RPRD1B: variants seen among roughly 807,000 people sequenced by gnomAD.
RPRD1B encodes the protein regulation of nuclear pre-mRNA domain containing 1B.
In RPRD1B, 11 loss-of-function variants were observed where a neutral mutation model predicts 41.5. That is an observed-to-expected ratio of 0.27 (90% CI 0.17 to 0.44). The LOEUF (loss-of-function observed/expected upper bound fraction) is 0.44, where lower values mean the gene tolerates loss of function less well. RPRD1B is among the 20% of genes least tolerant of loss of function. The probability of loss-of-function intolerance (pLI) is 1.00; values close to 1 mark genes in which losing one functional copy is unlikely to be tolerated. For missense variants in RPRD1B, 248 were observed against 389.9 expected (o/e 0.64, Z 3.06); for synonymous variants, 158 against 155.6 (o/e 1.02, Z -0.12).
intron 3 of RPRD1B, among the ~76,000 whole-genome samples, chr20:38,056,885 T>C (rs1203759879): frequency 2.0e-5 from 3 of 152,236 alleles, no homozygotes; most frequent in Non-Finnish European, 4.4e-5. Flanking sequence ...GATTTTGGAA[T>C]TAACACATCT....
At chr20:38,068,596 C>T (rs1363081113) in intron 6 of RPRD1B, among the ~76,000 whole-genome samples, 1 of 152,144 alleles carries the variant, frequency 6.6e-6, no homozygotes, top group African/African-American at 2.4e-5. Context: ...GACAGAGTTT[C>T]ACCATATTGG....
chr20:38,063,024 C>CT (rs1056044721), intron 5 of RPRD1B, among the ~76,000 whole-genome samples: 29 of 152,132 alleles, frequency 1.9e-4, no homozygotes, highest in South Asian at 1.5e-3. Flanking sequence ...TCACTGGCCT[C>CT]TGTTACCGCA....
intron 5 of RPRD1B, among the ~76,000 whole-genome samples, chr20:38,062,622 C>T (rs1393725445): frequency 6.6e-6 from 1 of 152,146 alleles, no homozygotes; most frequent in African/African-American, 2.4e-5. Context: ...CTACCACTGC[C>T]ACCTGGTACA....
At chr20:38,034,143 T>C in intron 1 of RPRD1B, 45 bp downstream of exon 1, 5 of 1,588,100 alleles carry the variant, frequency 3.1e-6, no homozygotes, top group Non-Finnish European at 4.3e-6. Flanking sequence ...CGGATTGTCC[T>C]CTCGCCCACA....
At chr20:38,039,997 G>A (rs1412090144) in intron 1 of RPRD1B, among the ~76,000 whole-genome samples, 1 of 152,110 alleles carries the variant, frequency 6.6e-6, no homozygotes, top group Non-Finnish European at 1.5e-5. Context: ...TCCTCCCAGA[G>A]TGCTGAGATT....
chr20:38,088,838 C>T (rs1232619566), intron 6 of RPRD1B, among the ~76,000 whole-genome samples: 2 of 152,174 alleles, frequency 1.3e-5, no homozygotes, highest in Non-Finnish European at 2.9e-5. Context: ...GAGTCGTCTC[C>T]TGGATGCAGA....
At chr20:38,037,248 C>G (rs908721670) in intron 1 of RPRD1B, among the ~76,000 whole-genome samples, 2 of 152,140 alleles carry the variant, frequency 1.3e-5, no homozygotes. Flanking sequence ...GAGCTCTGTT[C>G]TAAGTAGAAC....
chr20:38,062,042 A>AT (rs2074302779), intron 5 of RPRD1B, among the ~76,000 whole-genome samples: 1 of 152,190 alleles, frequency 6.6e-6, no homozygotes, highest in African/African-American at 2.4e-5. Context: ...GAGAGGGGGA[A>AT]TGAGAAGGAG....
intron 4 of RPRD1B, among the ~76,000 whole-genome samples, chr20:38,058,815 T>C (rs935138752): frequency 6.6e-6 from 1 of 152,162 alleles, no homozygotes; most frequent in Non-Finnish European, 1.5e-5. Context: ...CAAGTGATAC[T>C]CCTACCTCAG....
chr20:38,067,790 T>C (rs890107860), intron 6 of RPRD1B, among the ~76,000 whole-genome samples: 1 of 152,228 alleles, frequency 6.6e-6, no homozygotes, highest in Non-Finnish European at 1.5e-5. Context: ...CATCTTTCAC[T>C]GAGGAAGCAT....
At chr20:38,035,100 C>T (rs1336640674) in intron 1 of RPRD1B, among the ~76,000 whole-genome samples, 1 of 152,084 alleles carries the variant, frequency 6.6e-6, no homozygotes, top group Non-Finnish European at 1.5e-5. Context: ...GAGGAGTAAA[C>T]GGGATAATCC....
intron 2 of RPRD1B, among the ~76,000 whole-genome samples, chr20:38,041,065 A>G (rs1202957198): frequency 6.6e-6 from 1 of 152,214 alleles, no homozygotes; most frequent in Admixed American, 6.5e-5. Context: ...TGCTCTGGCT[A>G]TATTGTATTA....
In RPRD1B at chr20:38,038,500, T is replaced by TTTG. The variant is rs1568641450; in HGVS notation, c.152-1933_152-1932insGTT. Among the ~76,000 whole-genome samples the TTTG allele has an allele frequency of 3.1e-4, 30 of 97,848 alleles. 1 individual carries two copies. Among genetic ancestry groups the TTTG allele is most frequent in the African/African-American group, 1.2e-3 (26 of 21,284 alleles). The allele number at this position is 97,848 out of a possible 152,430, so 64.2% of individuals were successfully genotyped here. A position where few individuals can be genotyped will look rare whatever the true frequency, so the allele number is the denominator to read the frequency against. Reference sequence around the variant, plus strand: ...GATTTTTTTTGTTTTGTTTTTTTTTTTTTTTTTTTTTTTTGAGACAGAGTC... The same window carrying TTTG: ...GATTTTTTTTGTTTTGTTTTTTTTTTTTGTTTTTTTTTTTTTTGAGACAGAGTC... On this transcript the variant is annotated intron_variant, in intron 1 of 6. Transcript: ENST00000373433.
intron 6 of RPRD1B, 146 bp downstream of exon 6, chr20:38,066,402 A>C: frequency 1.3e-6 from 1 of 794,400 alleles, no homozygotes. Flanking sequence ...AGATACTGTA[A>C]TTATTTGAGC....
At chr20:38,056,468 T>TG (rs2074242550) in intron 3 of RPRD1B, among the ~76,000 whole-genome samples, 1 of 152,164 alleles carries the variant, frequency 6.6e-6, no homozygotes, top group Non-Finnish European at 1.5e-5. Flanking sequence ...AGTTAGTATA[T>TG]GATGTATATA....
chr20:38,059,334 C>G, intron 4 of RPRD1B, 60 bp from the exon 5 acceptor site: 1 of 1,509,658 alleles, frequency 6.6e-7, no homozygotes, highest in Non-Finnish European at 8.9e-7. Flanking sequence ...TTAACTCCAA[C>G]TAATTTTCTT....
chr20:38,033,854 AGCCTGTCAG>A lies in RPRD1B; in HGVS notation c.-92_-84del, dbSNP rs2073959485. On this transcript the variant is annotated 5_prime_UTR_variant, in exon 1 of 7. Transcript: ENST00000373433. ...TCTGTCAGTCGGTAAAAAGTCCCGCAGCCTGTCAGGTGAGGCCCCGGCCTCGTGCCGTCG... is the reference window on the plus strand; with the variant it reads ...TCTGTCAGTCGGTAAAAAGTCCCGCAGTGAGGCCCCGGCCTCGTGCCGTCG... 4 of 1,292,176 alleles carry A rather than the reference AGCCTGTCAG, an allele frequency of 3.1e-6. No homozygotes were observed. The highest frequency in any genetic ancestry group is 5.4e-5 in the Admixed American group (2 of 36,960). The allele number at this position is 1,292,176 out of a possible 1,614,324, so 80.0% of individuals were successfully genotyped here. A position where few individuals can be genotyped will look rare whatever the true frequency, so the allele number is the denominator to read the frequency against.
rs775338633 is a variant in RPRD1B at position 38,059,465 on chromosome 20, A to G, written c.600A>G (p.Lys200=). The G allele has an allele frequency of 6.2e-7, 1 of 1,614,130 alleles. No homozygotes were observed. Among genetic ancestry groups the G allele is most frequent in the South Asian group, 1.1e-5 (1 of 91,080 alleles). Residue 200 remains lysine (K), a synonymous_variant, in exon 5 of 7, where the codon AAA becomes AAG. Coordinates refer to ENST00000373433, the MANE Select transcript of RPRD1B (RefSeq NM_021215.4). The part of the protein sequence containing the change: ...AASGDATVRQ[K]IASLPQEVQD... ...CAGGGGATGCTACTGTCCGACAGAAAATTGCTTCTCTGCCCCAGGAAGTGC... is the reference window on the plus strand; with the variant it reads ...CAGGGGATGCTACTGTCCGACAGAAGATTGCTTCTCTGCCCCAGGAAGTGC...
chr20:38,076,425 A>G (rs576153966), intron 6 of RPRD1B, among the ~76,000 whole-genome samples: 21 of 152,336 alleles, frequency 1.4e-4, no homozygotes, highest in Admixed American at 4.6e-4. Flanking sequence ...TCCTGCCCAC[A>G]TGAGAAGTCT....
Sources: allele counts gnomAD v4.1 joint callset (sites outside exome capture counted in the v4.1 genomes callset), GRCh38; gene constraint gnomAD v4.1.1; transcripts MANE v1.5; gene names NCBI Gene and HGNC (gene_info 2026-07-23, HGNC 2026-07-21).